The following RPA3 variants were observed in gnomAD, a reference collection of about 807,000 sequenced individuals.
RPA3 encodes the protein replication protein A 14 kDa subunit.
In RPA3, 24 loss-of-function variants were observed where a neutral mutation model predicts 13.7. The ratio of observed to expected loss-of-function variants is 1.75; its 90% CI spans 1.27 to 2.46. RPA3 has a LOEUF of 2.46. RPA3 is among the 30% of genes most tolerant of loss of function. RPA3 has a pLI of 0.00. For missense variants in RPA3, 183 were observed against 151.0 expected, an observed-to-expected ratio of 1.21 and a Z score of -1.11; for synonymous variants, 59 against 51.2, an observed-to-expected ratio of 1.15 and a Z score of -0.65.
chr7:7,706,314 G>A lies in RPA3; in HGVS notation c.-1028+8861C>T, dbSNP rs925577323. Among the ~76,000 whole-genome samples, 10 of 152,292 alleles carry A rather than the reference G, an allele frequency of 6.6e-5. No homozygotes were observed. In the South Asian group the frequency reaches 8.3e-4, roughly 13 times the overall value. ...TTGGGAAAATCTAGAAGAGGTGGAA[G>A]TAGTGAGGCTGCTCATGTTATCACC... is the stretch of plus-strand genomic sequence containing the variant. On this transcript the variant is annotated intron_variant, in intron 2 of 7. Transcript: ENST00000223129.
chr7:7,670,223 T>A (rs1268235559), intron 4 of RPA3, among the ~76,000 whole-genome samples: 1 of 152,192 alleles, frequency 6.6e-6, no homozygotes, highest in Non-Finnish European at 1.5e-5. Context: ...TAAAACTACT[T>A]TTGTGATATC....
chr7:7,718,113 A>C (rs377682151), intron 1 of RPA3, among the ~76,000 whole-genome samples: 10 of 152,202 alleles, frequency 6.6e-5, no homozygotes, highest in African/African-American at 2.2e-4. Flanking sequence ...AATAAGTTAT[A>C]AATTTTAGAT....
rs376224077 is a variant in RPA3, at chr7:7,651,202, T to C, written c.-757-10027A>G. Among the ~76,000 whole-genome samples, 56 of 152,322 alleles carry C rather than the reference T, an allele frequency of 3.7e-4. 1 individual carries two copies. In the South Asian group the frequency reaches 7.5e-3, roughly 20 times the overall value. On this transcript the variant is annotated intron_variant, in intron 4 of 7. Transcript: ENST00000223129. ...TAAATCAATAAAAGATTTCAAAAAT[T>C]ACATAGAAACCAGAAAGGACAAGGA... is the stretch of plus-strand genomic sequence containing the variant.
At chr7:7,659,659 G>A (rs767859585) in intron 4 of RPA3, among the ~76,000 whole-genome samples, 1 of 152,180 alleles carries the variant, frequency 6.6e-6, no homozygotes, top group Admixed American at 6.5e-5. Context: ...ATTGCACTGT[G>A]GTCTGAGAGA....
chr7:7,681,392 T>A (rs565274241), intron 4 of RPA3, among the ~76,000 whole-genome samples: 1 of 152,236 alleles, frequency 6.6e-6, no homozygotes, highest in East Asian at 1.9e-4. Context: ...CTTGTTTTGG[T>A]AATAGGAATA....
chr7:7,646,808 C>A (rs139923470), intron 4 of RPA3, among the ~76,000 whole-genome samples: 67 of 152,224 alleles, frequency 4.4e-4, no homozygotes, highest in African/African-American at 1.5e-3. Flanking sequence ...CTCTCCTCTG[C>A]TGCACCATTC....
chr7:7,679,729 T>C lies in RPA3; in HGVS notation c.-758+6101A>G, dbSNP rs1000804121. ...ATAGATAAATATATATATATATATA[T>C]ATACACACACACATATTAAGAGGCA... is the stretch of plus-strand genomic sequence containing the variant. On this transcript the variant is annotated intron_variant, in intron 4 of 7. Transcript: ENST00000223129. Among the ~76,000 whole-genome samples, 136 of 143,018 alleles carry C rather than the reference T, an allele frequency of 9.5e-4. 1 individual carries two copies. Among genetic ancestry groups the C allele is most frequent in the East Asian group, 8.8e-3 (44 of 4,978 alleles). The allele number at this position is 143,018 out of a possible 152,430, so 93.8% of individuals were successfully genotyped here.
rs577720818 is a variant in RPA3, at chr7:7,691,919, A to C, written c.-1027-4591T>G. On this transcript the variant is annotated intron_variant, in intron 2 of 7. Coordinates refer to ENST00000223129, the MANE Select transcript of RPA3 (RefSeq NM_002947.5). ...TTTAGCCTTGACTAATCTTGTATTA[A>C]AATACTCATGCAAATGTGGAAGGAA... Among the ~76,000 whole-genome samples, 4 of 152,322 alleles carry C rather than the reference A, an allele frequency of 2.6e-5. No homozygotes were observed. The South Asian group carries it at 8.3e-4, about 32-fold the overall frequency.
At chr7:7,693,049 A>T (rs1460009089) in intron 2 of RPA3, among the ~76,000 whole-genome samples, 1 of 152,034 alleles carries the variant, frequency 6.6e-6, no homozygotes, top group African/African-American at 2.4e-5. Flanking sequence ...CTTCCTGTTG[A>T]TTACTTATAT....
rs767443644 is a variant in RPA3, at chr7:7,637,991, C to T, written c.175-19G>A. The T allele has an allele frequency of 3.8e-5, 60 of 1,590,930 alleles. No homozygotes were observed. The highest frequency in any genetic ancestry group is 5.1e-5 in the Non-Finnish European group (59 of 1,160,060). ...CATCAAGCTAAGACACAGAACAAGA[C>T]ATCGATTTGGTGATATCACATTTTC... is the stretch of plus-strand genomic sequence containing the variant. On this transcript the variant is annotated intron_variant, in intron 6 of 7. Coordinates refer to ENST00000223129, the MANE Select transcript of RPA3 (RefSeq NM_002947.5).
chr7:7,680,158 T>G (rs1240136231), intron 4 of RPA3, among the ~76,000 whole-genome samples: 1 of 152,154 alleles, frequency 6.6e-6, no homozygotes, highest in African/African-American at 2.4e-5. Flanking sequence ...TTTCTTCTAG[T>G]AGTTTCGTAG....
At chr7:7,684,583 A>G (rs1779994013) in intron 4 of RPA3, among the ~76,000 whole-genome samples, 1 of 152,186 alleles carries the variant, frequency 6.6e-6, no homozygotes, top group South Asian at 2.1e-4. Flanking sequence ...ACTCATGGAT[A>G]CGGAGGGCTG....
chr7:7,659,269 T>G (rs984869243), intron 4 of RPA3, among the ~76,000 whole-genome samples: 1 of 152,194 alleles, frequency 6.6e-6, no homozygotes, highest in Non-Finnish European at 1.5e-5. Context: ...CTGGATTCAT[T>G]GATTTTTCGA....
intron 4 of RPA3, among the ~76,000 whole-genome samples, chr7:7,672,585 ATGT>A (rs1440707622): frequency 6.6e-6 from 1 of 152,146 alleles, no homozygotes; most frequent in Non-Finnish European, 1.5e-5. Flanking sequence ...GAGCCATTTC[ATGT>A]TGTTCTCGTG....
chr7:7,683,158 A>T (rs1386291247), intron 4 of RPA3, among the ~76,000 whole-genome samples: 1 of 152,194 alleles, frequency 6.6e-6, no homozygotes, highest in Non-Finnish European at 1.5e-5. Context: ...TGGGAAAGTC[A>T]TTCATTTTTT....
At position 7,651,588 on chromosome 7, in the gene RPA3, A is replaced by C. The variant is rs28916277; in HGVS notation, c.-757-10413T>G. Among the ~76,000 whole-genome samples, 1,475 of 152,192 alleles carry C rather than the reference A, an allele frequency of 9.7e-3. 32 individuals carry two copies. The highest frequency in any genetic ancestry group is 0.034 in the African/African-American group (1,419 of 41,526). ...TGTTGATCTCATTCTGGTGATCTCT[A>C]ATTGAAGGAGAGACTGTGTCAGATT... On this transcript the variant is annotated intron_variant, in intron 4 of 7. Coordinates refer to ENST00000223129, the MANE Select transcript of RPA3 (RefSeq NM_002947.5).
At chr7:7,704,766 C>CAAAAAAAAAAAAAAAAAAAAA in intron 2 of RPA3, among the ~76,000 whole-genome samples, 1 of 17,826 alleles carries the variant, frequency 5.6e-5, no homozygotes, top group Non-Finnish European at 1.0e-4. Flanking sequence ...GACTCCATCT[C>CAAAAAAAAAAAAAAAAAAAAA]AAAAAAAAAA....
chr7:7,650,611 A>G (rs1200157825), intron 4 of RPA3, among the ~76,000 whole-genome samples: 1 of 152,186 alleles, frequency 6.6e-6, no homozygotes, highest in African/African-American at 2.4e-5. Context: ...TTAAATGATA[A>G]ATTTTATGTA....
At chr7:7,641,662 C>T (rs1258708030) in intron 4 of RPA3, 2 of 152,170 alleles carry the variant, frequency 1.3e-5, no homozygotes, top group East Asian at 3.8e-4. Context: ...GCGGCCTTGC[C>T]AGGAGTATTC....
Sources: gnomAD v4.1 joint callset for allele counts (sites outside exome capture counted in the v4.1 genomes callset) on GRCh38, gnomAD v4.1.1 for gene constraint, MANE v1.5 for transcripts, NCBI Gene and HGNC (gene_info 2026-07-23, HGNC 2026-07-21) for gene names.